The following PHF20 variants were observed in gnomAD, a reference collection of about 807,000 sequenced individuals.
PHF20 encodes the protein glioma-expressed antigen 2.
In PHF20, 23 loss-of-function variants were observed where a neutral mutation model predicts 113.5. The observed-to-expected ratio is 0.20, with a 90% CI of 0.15 to 0.29. The LOEUF is 0.29. Among genes scored for constraint, PHF20 ranks in the 10% least tolerant of loss-of-function variants. PHF20 has a pLI of 1.00. For missense variants in PHF20, 943 were observed against 1,219.6 expected, an observed-to-expected ratio of 0.77 and a Z score of 3.38; for synonymous variants, 434 against 457.3, an observed-to-expected ratio of 0.95 and a Z score of 0.65.
At chr20:35,870,303 CAAAAAAAAAA>C (rs1174014648) in intron 7 of PHF20, among the ~76,000 whole-genome samples, 4 of 53,216 alleles carry the variant, frequency 7.5e-5, no homozygotes, top group Admixed American at 6.8e-4. Context: ...GACTCCGTCT[CAAAAAAAAAA>C]AAAAAAAAAA....
chr20:35,815,609 G>A (rs1304687889), intron 2 of PHF20, among the ~76,000 whole-genome samples: 1 of 151,984 alleles, frequency 6.6e-6, no homozygotes, highest in African/African-American at 2.4e-5. Flanking sequence ...GGGACTACAG[G>A]CGCATGCCAC....
At chr20:35,946,902 G>A (rs1007989596) in intron 17 of PHF20, among the ~76,000 whole-genome samples, 1 of 151,974 alleles carries the variant, frequency 6.6e-6, no homozygotes, top group Non-Finnish European at 1.5e-5. Flanking sequence ...TGGAGATGGG[G>A]TTTCACCATG....
At chr20:35,862,957 A>T in intron 5 of PHF20, 56 bp from the exon 6 acceptor site, 1 of 1,486,000 alleles carries the variant, frequency 6.7e-7, no homozygotes, top group Non-Finnish European at 9.0e-7. Context: ...AGAAACTCCT[A>T]ATTTTGTATT....
intron 2 of PHF20, among the ~76,000 whole-genome samples, chr20:35,812,149 AT>A (rs2041990231): frequency 6.6e-6 from 1 of 152,208 alleles, no homozygotes; most frequent in Non-Finnish European, 1.5e-5. Flanking sequence ...GTATTCACTA[AT>A]TGTTAACCCA....
chr20:35,795,066 C>T (rs903948498), intron 1 of PHF20, among the ~76,000 whole-genome samples: 1 of 151,766 alleles, frequency 6.6e-6, no homozygotes, highest in Non-Finnish European at 1.5e-5. Flanking sequence ...GTGGTGTGCT[C>T]CTGTAATCCC....
chr20:35,922,543 G>A (rs2055538496), intron 13 of PHF20, among the ~76,000 whole-genome samples: 2 of 152,168 alleles, frequency 1.3e-5, no homozygotes, highest in Non-Finnish European at 2.9e-5. Flanking sequence ...CATTGTTCAT[G>A]TATATCACTA....
chr20:35,903,080 T>TC (rs1555799699), intron 10 of PHF20, among the ~76,000 whole-genome samples: 5 of 142,220 alleles, frequency 3.5e-5, no homozygotes, highest in African/African-American at 1.4e-4. Context: ...ATCCTTTCTT[T>TC]TTTTTTTTTT....
rs145199305 is a variant in PHF20 at position 35,874,206 on chromosome 20, C to T, written c.1282+2377C>T. Among the ~76,000 whole-genome samples the T allele has an allele frequency of 2.6e-3, 390 of 152,250 alleles. 2 individuals carry two copies. The highest frequency in any genetic ancestry group is 8.5e-3 in the African/African-American group (355 of 41,536). The stretch of plus-strand genomic sequence containing the variant: ...GGTCAAGCTGGTCTGGAACTCCTGA[C>T]GTCAAGTGATCTACCCGCCTTGACT... On this transcript the variant is annotated intron_variant, in intron 9 of 17. Coordinates refer to ENST00000374012, the MANE Select transcript of PHF20 (RefSeq NM_016436.5).
At position 35,847,440 on chromosome 20, in the gene PHF20, G is replaced by T; in HGVS notation, c.340+6G>T. The T allele has an allele frequency of 6.3e-7, 1 of 1,597,144 alleles. No homozygotes were observed. Among genetic ancestry groups the T allele is most frequent in the East Asian group, 2.2e-5 (1 of 44,782 alleles). On this transcript the variant is annotated splice_donor_region_variant and intron_variant, in intron 4 of 17. Transcript: ENST00000374012. ...CACTGCTGTTAACAAGGATGGTAAG[G>T]CATTTGAGTTGTAGTTGTTTTTACT...
rs201547520 is a variant in PHF20, at chr20:35,871,625, C to A, written c.1103-25C>A. ...CAGAATTACATACATGTATATTTCC[C>A]CCAAACTTTCTTTTTTTCTTCTAGG... On this transcript the variant is annotated intron_variant, in intron 8 of 17. Transcript: ENST00000374012. 1.7e-4 allele frequency: 273 copies of A among 1,566,260 alleles called. 4 individuals are homozygous for A. The South Asian group carries it at 2.4e-3, about 14-fold the overall frequency.
chr20:35,849,304 G>T, intron 4 of PHF20: 1 of 384,856 alleles, frequency 2.6e-6, no homozygotes, highest in South Asian at 2.0e-5. Context: ...GGGGTGGGAA[G>T]GTGTCTTGGT....
At chr20:35,921,963 G>A (rs1441480638) in intron 13 of PHF20, among the ~76,000 whole-genome samples, 2 of 152,098 alleles carry the variant, frequency 1.3e-5, no homozygotes, top group Admixed American at 1.3e-4. Flanking sequence ...ATCCACTCTG[G>A]TACTTTCTCT....
At chr20:35,925,057 T>C (rs1411564835) in intron 13 of PHF20, among the ~76,000 whole-genome samples, 1 of 152,158 alleles carries the variant, frequency 6.6e-6, no homozygotes. Context: ...TTGAATCCTT[T>C]TCTGGTTCTC....
Position 35,947,524 on chromosome 20 carries a change from C to A in PHF20, c.2936C>A (p.Pro979His). 3 of 1,614,100 alleles carry A rather than the reference C, an allele frequency of 1.9e-6. No homozygotes were observed. Among genetic ancestry groups the A allele is most frequent in the Non-Finnish European group, 1.7e-6 (2 of 1,180,014 alleles). ...CTGGACTACACTGGGGAACTGGAGC[C>A]CCCTGAGCCGCTGGCCAGGCTTCCG... ...SWLDYTGELE[P>H]PEPLARLPQL... Residue 979 changes from proline (P) to histidine (H), a missense_variant, in exon 18 of 18, where the codon CCC (proline) becomes CAC (histidine). Physicochemically the swap from Pro to His is moderately conservative, Grantham distance 77. Transcript: ENST00000374012.
chr20:35,842,417 C>G (rs1417355068), intron 2 of PHF20, among the ~76,000 whole-genome samples, 156 bp from the exon 3 acceptor site: 2 of 152,186 alleles, frequency 1.3e-5, no homozygotes, highest in Non-Finnish European at 2.9e-5. Flanking sequence ...CTGTTACCCT[C>G]CATAATTTGT....
Position 35,871,845 on chromosome 20 carries a change from TA to T in PHF20, c.1282+19del. On this transcript the variant is annotated intron_variant, in intron 9 of 17. Transcript: ENST00000374012. Reference sequence around the variant, plus strand: ...ACTGTGGAAGGTTCATATTTAGAGTTAAATTAATCCTCTTTTTATATACACT... The same window carrying T: ...ACTGTGGAAGGTTCATATTTAGAGTTAATTAATCCTCTTTTTATATACACT... The T allele has an allele frequency of 2.6e-6, 4 of 1,562,758 alleles. No individual in the cohort carries two copies. The highest frequency in any genetic ancestry group is 3.5e-6 in the Non-Finnish European group (4 of 1,147,764).
intron 1 of PHF20, among the ~76,000 whole-genome samples, chr20:35,790,151 C>T (rs2041514460): frequency 6.6e-6 from 1 of 151,802 alleles, no homozygotes; most frequent in Non-Finnish European, 1.5e-5. Flanking sequence ...GCCACCATGC[C>T]CAGCAAGAAC....
chr20:35,815,987 C>T (rs1053734464), intron 2 of PHF20, among the ~76,000 whole-genome samples: 3 of 152,086 alleles, frequency 2.0e-5, no homozygotes, highest in Non-Finnish European at 2.9e-5. Flanking sequence ...GATGGAGACC[C>T]GCTCAGTCCC....
intron 13 of PHF20, among the ~76,000 whole-genome samples, chr20:35,920,135 T>C (rs556485456): frequency 6.6e-6 from 1 of 152,366 alleles, no homozygotes; most frequent in African/African-American, 2.4e-5. Flanking sequence ...TTTGTAGCCA[T>C]ACTTATCCCT....
Sources: gnomAD v4.1 joint callset for allele counts (sites outside exome capture counted in the v4.1 genomes callset) on GRCh38, gnomAD v4.1.1 for gene constraint, MANE v1.5 for transcripts, NCBI Gene and HGNC (gene_info 2026-07-23, HGNC 2026-07-21) for gene names.